The following ATF3 variants were observed in gnomAD, a reference collection of about 807,000 sequenced individuals.
ATF3 encodes cyclic AMP-dependent transcription factor ATF-3.
ATF3 carries 10 observed loss-of-function variants against 18.4 expected under a neutral mutation model. The ratio of observed to expected loss-of-function variants is 0.54; its 90% CI spans 0.34 to 0.92. ATF3 has a LOEUF of 0.92. ATF3 is among the 40% of genes least tolerant of loss of function. The pLI, the probability that ATF3 is intolerant of heterozygous loss-of-function variation, is 0.02. For synonymous variants in ATF3, 78 were observed against 87.9 expected (o/e 0.89, Z 0.63); for missense variants, 183 against 222.3 (o/e 0.82, Z 1.12).
At chr1:212,575,564 T>G (rs1664563456) in intron 1 of ATF3, among the ~76,000 whole-genome samples, 1 of 152,126 alleles carries the variant, frequency 6.6e-6, no homozygotes, top group Non-Finnish European at 1.5e-5. Context: ...AATAGAGGCT[T>G]ATAACTTATA....
chr1:212,577,159 C>T, intron 1 of ATF3, among the ~76,000 whole-genome samples: 1 of 152,184 alleles, frequency 6.6e-6, no homozygotes, highest in East Asian at 1.9e-4. Flanking sequence ...TATTTTCCCT[C>T]TGCACTTTGA....
chr1:212,590,425 C>CA (rs149105509), intron 1 of ATF3, among the ~76,000 whole-genome samples: 36,082 of 147,176 alleles, frequency 0.25, 4,921 homozygotes, highest in East Asian at 0.42. Context: ...TTAAAAACTG[C>CA]AAAAAAAAAA....
rs191724082 is a variant in ATF3 at position 212,590,522 on chromosome 1, T to C, written c.-4-24496T>C. Reference sequence around the variant, plus strand: ...GTCGTTAAAGGTAGTAGTCTCTGGTTGGTGGCATGTGTGTGGGGTGAGCCC... The same window carrying C: ...GTCGTTAAAGGTAGTAGTCTCTGGTCGGTGGCATGTGTGTGGGGTGAGCCC... On this transcript the variant is annotated intron_variant, in intron 1 of 3. Coordinates refer to the ATF3 transcript ENST00000366981. Among the ~76,000 whole-genome samples, 302 of 152,354 alleles carry C rather than the reference T, an allele frequency of 2.0e-3. 2 individuals carry two copies. Among genetic ancestry groups the C allele is most frequent in the African/African-American group, 5.5e-3 (230 of 41,582 alleles).
intron 1 of ATF3, among the ~76,000 whole-genome samples, chr1:212,580,327 CT>C (rs113977243): frequency 0.011 from 1,624 of 145,640 alleles, 9 homozygotes; most frequent in African/African-American, 0.02. Flanking sequence ...CAAATTTCCA[CT>C]TTTTTTTTTT....
intron 1 of ATF3, among the ~76,000 whole-genome samples, chr1:212,598,116 G>A (rs1435242249): frequency 2.0e-5 from 3 of 152,040 alleles, no homozygotes; most frequent in Admixed American, 6.5e-5. Flanking sequence ...TAACACATCC[G>A]CACTATAGAA....
At chr1:212,579,593 T>A (rs917638982) in intron 1 of ATF3, among the ~76,000 whole-genome samples, 1 of 152,172 alleles carries the variant, frequency 6.6e-6, no homozygotes, top group Non-Finnish European at 1.5e-5. Context: ...AGCCCAACTT[T>A]TATCTGTAGA....
At chr1:212,589,553 G>A (rs923322611) in intron 1 of ATF3, among the ~76,000 whole-genome samples, 3 of 151,964 alleles carry the variant, frequency 2.0e-5, no homozygotes, top group Middle Eastern at 3.2e-3. Flanking sequence ...AGTCCAAAGA[G>A]CACCTGTAAT....
chr1:212,566,639 A>T (rs1664387913), intron 1 of ATF3, among the ~76,000 whole-genome samples: 1 of 152,160 alleles, frequency 6.6e-6, no homozygotes, highest in African/African-American at 2.4e-5. Context: ...TGTCCTGCTC[A>T]GTTCCTGTTC....
At chr1:212,567,719 G>A (rs72756330) in intron 1 of ATF3, among the ~76,000 whole-genome samples, 5,198 of 152,250 alleles carry the variant, frequency 0.034, 136 homozygotes, top group African/African-American at 0.063. Flanking sequence ...TTCTAAAATA[G>A]GAACAAGGAC....
Position 212,619,347 on chromosome 1 carries a change from T to C in ATF3, c.349-11T>C, listed in dbSNP as rs1241976857. 3 of 1,612,964 alleles carry C rather than the reference T, an allele frequency of 1.9e-6. No homozygotes were observed. The highest frequency in any genetic ancestry group is 2.5e-6 in the Non-Finnish European group (3 of 1,180,022). ...GCTCCTTTCTTGATGCCTCTGTTGC[T>C]TGTCCCCCAGGAGTCGGAGAAGCTG... On this transcript the variant is annotated splice_polypyrimidine_tract_variant and intron_variant, in intron 3 of 3. Transcript: ENST00000341491. This position sits in a 1 kb window ranked among gnomAD's most constrained non-coding sequence, Gnocchi z 4.4.
rs1655250276 is a variant in ATF3 at position 212,618,974 on chromosome 1, G to A, written c.349-384G>A. On this transcript the variant is annotated intron_variant, in intron 3 of 3. Coordinates refer to ENST00000341491, the MANE Select transcript of ATF3 (RefSeq NM_001674.4). This position sits in a 1 kb window ranked among gnomAD's most constrained non-coding sequence, Gnocchi z 4.4. ...GTGTTGCTATATACATTTTTTCTGG[G>A]GAGATGAGCTTCTCATTGAGATCTG... The A allele has an allele frequency of 6.3e-7, 1 of 1,586,334 alleles. No individual in the cohort carries two copies. Among genetic ancestry groups the A allele is most frequent in the Non-Finnish European group, 8.7e-7 (1 of 1,155,778 alleles).
At chr1:212,572,857 T>C (rs1298826695) in intron 1 of ATF3, among the ~76,000 whole-genome samples, 1 of 152,228 alleles carries the variant, frequency 6.6e-6, no homozygotes, top group African/African-American at 2.4e-5. Context: ...TTGTATTTTC[T>C]AATTGGATAA....
intron 1 of ATF3, among the ~76,000 whole-genome samples, chr1:212,575,409 G>C (rs539380332): frequency 1.9e-4 from 29 of 151,980 alleles, no homozygotes; most frequent in African/African-American, 7.0e-4. Flanking sequence ...ACCTTTGCTG[G>C]ACAGTTTTTA....
chr1:212,572,276 G>A (rs1357311018), intron 1 of ATF3, among the ~76,000 whole-genome samples: 1 of 152,094 alleles, frequency 6.6e-6, no homozygotes, highest in African/African-American at 2.4e-5. Context: ...CAGCACTTTG[G>A]GAAGCAGAGG....
rs902441486 is a variant in ATF3, at chr1:212,619,821, C to T, written c.*266C>T. ...GGCCATTCTTATGTTCCAGATGGCC[C>T]CCAGCTGGTGTCCTGCCCGCCTTTC... On this transcript the variant is annotated 3_prime_UTR_variant, in exon 4 of 4. Transcript: ENST00000341491. The surrounding 1 kb of genome is among the most constrained non-coding windows in gnomAD (Gnocchi z 4.4). The T allele has an allele frequency of 5.2e-6, 2 of 387,818 alleles. No individual in the cohort carries two copies. The highest frequency in any genetic ancestry group is 9.7e-6 in the Non-Finnish European group (2 of 205,328). 24.0% of individuals were successfully genotyped at this position (387,818 alleles called of 1,614,324 possible).
At chr1:212,584,436 G>C (rs920288787) in intron 1 of ATF3, among the ~76,000 whole-genome samples, 3 of 151,958 alleles carry the variant, frequency 2.0e-5, no homozygotes, top group Non-Finnish European at 2.9e-5. Context: ...AGGCTGGGAG[G>C]CTCAAGACCC....
chr1:212,589,421 G>A (rs576148655), intron 1 of ATF3, among the ~76,000 whole-genome samples: 1 of 152,236 alleles, frequency 6.6e-6, no homozygotes, highest in Non-Finnish European at 1.5e-5. Context: ...TCTAGATGGA[G>A]GAAGAAATAG....
intron 1 of ATF3, among the ~76,000 whole-genome samples, chr1:212,583,412 C>G (rs1664720369): frequency 6.6e-6 from 1 of 152,158 alleles, no homozygotes; most frequent in South Asian, 2.1e-4. Flanking sequence ...ATGGCACACA[C>G]AGCAGGTTTA....
At chr1:212,604,414 G>A (rs1654567087), upstream of ATF3, among the ~76,000 whole-genome samples, 1 of 152,170 alleles carries the variant, frequency 6.6e-6, no homozygotes, top group African/African-American at 2.4e-5. Context: ...GGTTGTTGAT[G>A]ATGGGCTACA....
Sources: gnomAD v4.1 joint callset for allele counts (sites outside exome capture counted in the v4.1 genomes callset) on GRCh38, gnomAD v4.1.1 for gene constraint, Gnocchi (gnomAD v3.1) non-coding constraint, MANE v1.5 for transcripts, NCBI Gene and HGNC (gene_info 2026-07-23, HGNC 2026-07-21) for gene names.